The following CPQ variants were observed in gnomAD, a reference collection of about 807,000 sequenced individuals.
CPQ encodes carboxypeptidase Q.
Under a neutral mutation model 45.7 loss-of-function variants are expected in CPQ, and 37 were observed. The ratio of observed to expected loss-of-function variants is 0.81; its 90% CI spans 0.62 to 1.07. The LOEUF (loss-of-function observed/expected upper bound fraction) is 1.07. CPQ is among the 50% of genes least tolerant of loss of function. The pLI is 0.00. For missense variants in CPQ, 537 were observed against 572.9 expected (o/e 0.94, Z 0.64); for synonymous variants, 186 against 205.8 (o/e 0.90, Z 0.82).
At chr8:96,765,353 A>G (rs761330031) in intron 1 of CPQ, among the ~76,000 whole-genome samples, 2 of 152,180 alleles carry the variant, frequency 1.3e-5, no homozygotes, top group Non-Finnish European at 2.9e-5. Flanking sequence ...TTTCATTCCC[A>G]TCTCTAAAAG....
intron 2 of CPQ, among the ~76,000 whole-genome samples, chr8:96,785,723 G>C (rs894473667): frequency 6.6e-6 from 1 of 152,122 alleles, no homozygotes; most frequent in Non-Finnish European, 1.5e-5. Flanking sequence ...ATAGAGAATA[G>C]AACTTTGCAC....
At chr8:96,739,942 C>T (rs1378378422) in intron 1 of CPQ, among the ~76,000 whole-genome samples, 65 of 152,222 alleles carry the variant, frequency 4.3e-4, no homozygotes, top group African/African-American at 1.3e-3. Flanking sequence ...CTTGATGATG[C>T]GGGCTCTTTT....
chr8:96,917,430 C>T (rs1190693460), intron 4 of CPQ, among the ~76,000 whole-genome samples: 2 of 152,024 alleles, frequency 1.3e-5, no homozygotes, highest in Non-Finnish European at 2.9e-5. Flanking sequence ...GGCATACTCC[C>T]ATTGTTGTGG....
At chr8:96,701,566 A>T (rs1198706267) in intron 1 of CPQ, among the ~76,000 whole-genome samples, 2 of 151,708 alleles carry the variant, frequency 1.3e-5, no homozygotes, top group African/African-American at 4.9e-5. Flanking sequence ...GGAAGCGCAT[A>T]CTAGAAAAGC....
At chr8:96,931,368 T>C (rs1336928551) in intron 4 of CPQ, among the ~76,000 whole-genome samples, 3 of 152,214 alleles carry the variant, frequency 2.0e-5, no homozygotes, top group African/African-American at 7.2e-5. Flanking sequence ...GGTCCTATAG[T>C]TCATAGTGGC....
chr8:96,741,224 T>C (rs1372674803), intron 1 of CPQ, among the ~76,000 whole-genome samples: 3 of 152,216 alleles, frequency 2.0e-5, no homozygotes, highest in Non-Finnish European at 4.4e-5. Flanking sequence ...TGTCAAGGAA[T>C]TTATACATTT....
At chr8:96,971,533 C>A (rs540077781) in intron 5 of CPQ, among the ~76,000 whole-genome samples, 4 of 152,078 alleles carry the variant, frequency 2.6e-5, no homozygotes, top group African/African-American at 7.2e-5. Flanking sequence ...CTCCCTATTG[C>A]CATGTTGGAT....
In CPQ at chr8:96,830,922, A is replaced by G. The variant is rs112637274; in HGVS notation, c.434-4051A>G. Among the ~76,000 whole-genome samples, 274 of 152,160 alleles carry G rather than the reference A, an allele frequency of 1.8e-3. 1 individual carries two copies. The highest frequency in any genetic ancestry group is 3.3e-3 in the Non-Finnish European group (223 of 68,016). ...ATAATATAACAATGCAGTTAATGGG[A>G]AGAGCATGACCCCTGGATTCAGATA... On this transcript the variant is annotated intron_variant, in intron 2 of 7. Transcript: ENST00000220763.
chr8:96,833,353 A>G (rs573641051), intron 2 of CPQ, among the ~76,000 whole-genome samples: 11 of 152,208 alleles, frequency 7.2e-5, no homozygotes, highest in Non-Finnish European at 1.3e-4. Flanking sequence ...ACCATAATGA[A>G]GTACCACCCT....
chr8:97,129,418 GATA>G, intron 7 of CPQ, among the ~76,000 whole-genome samples: 1 of 152,100 alleles, frequency 6.6e-6, no homozygotes, highest in Non-Finnish European at 1.5e-5. Flanking sequence ...GTAAAATGAG[GATA>G]ATAATAATTA....
chr8:96,928,719 G>T (rs1308711181), intron 4 of CPQ, among the ~76,000 whole-genome samples: 2 of 152,160 alleles, frequency 1.3e-5, no homozygotes, highest in African/African-American at 4.8e-5. Context: ...GATTCTCCCA[G>T]TGAAAAGCAA....
chr8:96,675,408 C>A (rs922237483), intron 1 of CPQ, among the ~76,000 whole-genome samples: 2 of 152,026 alleles, frequency 1.3e-5, no homozygotes, highest in Non-Finnish European at 2.9e-5. Context: ...TTTTAATTAG[C>A]TTCATGTTCT....
In CPQ at chr8:96,975,282, A is replaced by T. The variant is rs117430801; in HGVS notation, c.961+9236A>T. Among the ~76,000 whole-genome samples, 19 of 152,200 alleles carry T rather than the reference A, an allele frequency of 1.2e-4. No individual in the cohort carries two copies. The East Asian group carries it at 3.5e-3, about 28-fold the overall frequency. On this transcript the variant is annotated intron_variant, in intron 5 of 7. Transcript: ENST00000220763. ...TATATTGAAAGTATACAATCCTCCT[A>T]GATTAAACCAAGAAGATACAGAATC... is the stretch of plus-strand genomic sequence containing the variant.
intron 4 of CPQ, among the ~76,000 whole-genome samples, chr8:96,930,738 G>T: frequency 6.6e-6 from 1 of 152,280 alleles, no homozygotes; most frequent in South Asian, 2.1e-4. Context: ...GAAAAGGATA[G>T]GAATGGAGAT....
intron 5 of CPQ, among the ~76,000 whole-genome samples, chr8:96,978,536 T>C (rs1480729311): frequency 2.0e-5 from 3 of 152,200 alleles, no homozygotes; most frequent in African/African-American, 7.2e-5. Context: ...GTATACAGCA[T>C]AATAATGACC....
chr8:97,029,378 C>T (rs1563558921), intron 5 of CPQ, 25 bp from the exon 6 acceptor site: 1 of 1,557,354 alleles, frequency 6.4e-7, no homozygotes, highest in Admixed American at 1.9e-5. Flanking sequence ...TAAAGTATCA[C>T]TTTTTTATTT....
chr8:96,970,562 ACT>A (rs1221545900), intron 5 of CPQ, among the ~76,000 whole-genome samples: 61 of 137,506 alleles, frequency 4.4e-4, no homozygotes, highest in African/African-American at 1.6e-3. Context: ...CATGCCCAAC[ACT>A]CTTTTTTTTT....
chr8:96,870,796 T>C (rs1402168465), intron 3 of CPQ, among the ~76,000 whole-genome samples: 1 of 152,034 alleles, frequency 6.6e-6, no homozygotes, highest in Non-Finnish European at 1.5e-5. Context: ...TTGTGATTTT[T>C]GACAGAATGG....
At chr8:97,070,757 A>G (rs1418454846) in intron 7 of CPQ, among the ~76,000 whole-genome samples, 1 of 152,182 alleles carries the variant, frequency 6.6e-6, no homozygotes, top group Non-Finnish European at 1.5e-5. Context: ...TACATGACTT[A>G]AAGTGACCTA....
Sources: allele counts gnomAD v4.1 joint callset (sites outside exome capture counted in the v4.1 genomes callset), GRCh38; gene constraint gnomAD v4.1.1; transcripts MANE v1.5; gene names NCBI Gene and HGNC (gene_info 2026-07-23, HGNC 2026-07-21).